Variants in ATXN10 observed in about 807,000 individuals in gnomAD.
ATXN10 encodes ataxin-10.
ATXN10 carries 28 observed loss-of-function variants against 52.9 expected under a neutral mutation model. The ratio of observed to expected loss-of-function variants is 0.53; its 90% confidence interval spans 0.39 to 0.73. The LOEUF (loss-of-function observed/expected upper bound fraction) is 0.73, where lower values mean the gene tolerates loss of function less well. Among genes scored for constraint, ATXN10 ranks in the 30% least tolerant of loss-of-function variants. The probability of loss-of-function intolerance (pLI) is 0.00; values close to 1 mark genes in which losing one functional copy is unlikely to be tolerated. For synonymous variants in ATXN10, 226 were observed against 221.5 expected (o/e 1.02, Z -0.18); for missense variants, 565 against 577.0 (o/e 0.98, Z 0.21).
chr22:45,837,680 G>C lies in ATXN10; in HGVS notation c.1238-5311G>C, dbSNP rs1929212640. 6.6e-6 allele frequency among the ~76,000 whole-genome samples: 1 copy of C among 152,346 alleles called. No homozygotes were observed. The highest frequency in any genetic ancestry group is 2.1e-4 in the South Asian group (1 of 4,828). ...ATATTTTGGCTTTGTAGGCCTTGCT[G>C]TCTCTTGGCAGCTCCTCCACCCTGC... On this transcript the variant is annotated intron_variant, in intron 10 of 11. Coordinates refer to ENST00000252934, the MANE Select transcript of ATXN10 (RefSeq NM_013236.4). This position sits in a 1 kb window ranked among gnomAD's most constrained non-coding sequence, Gnocchi z 5.8.
intron 6 of ATXN10, among the ~76,000 whole-genome samples, chr22:45,720,974 C>G (rs1924628570): frequency 6.6e-6 from 1 of 152,212 alleles, no homozygotes; most frequent in Non-Finnish European, 1.5e-5. Flanking sequence ...GACACAGTCC[C>G]TGCCCTTACT....
Position 45,789,055 on chromosome 22 carries a change from G to T in ATXN10, c.1174-17904G>T, listed in dbSNP as rs1927417105. On this transcript the variant is annotated intron_variant, in intron 9 of 11. Coordinates refer to ENST00000252934, the MANE Select transcript of ATXN10 (RefSeq NM_013236.4). The surrounding 1 kb of genome is among the most constrained non-coding windows in gnomAD (Gnocchi z 4.0). ...ATGGGTAGTTTTAAAAGCTCCCCAG[G>T]AGATGCAGATTGACAGTAAGGATGG... Among the ~76,000 whole-genome samples the T allele has an allele frequency of 6.6e-6, 1 of 152,014 alleles. No homozygotes were observed. Among genetic ancestry groups the T allele is most frequent in the Non-Finnish European group, 1.5e-5 (1 of 68,006 alleles).
intron 9 of ATXN10, among the ~76,000 whole-genome samples, chr22:45,785,060 C>T (rs1398219340): frequency 1.3e-5 from 2 of 152,188 alleles, no homozygotes; most frequent in African/African-American, 4.8e-5. Flanking sequence ...TATTTTTGTT[C>T]TAAATGTAGC....
chr22:45,806,916 C>G lies in ATXN10; in HGVS notation c.1174-43C>G, dbSNP rs376298430. On this transcript the variant is annotated intron_variant, in intron 9 of 11. Transcript: ENST00000252934. ...AGTCATCTGTAATCTCTGACTATAG[C>G]CATGCTGTTTTCAGTGTATAAACTT... The G allele has an allele frequency of 2.8e-6, 4 of 1,430,284 alleles. No individual in the cohort carries two copies. The African/African-American group carries it at 5.6e-5, about 20-fold the overall frequency. 88.6% of individuals were successfully genotyped at this position (1,430,284 alleles called of 1,614,324 possible).
intron 4 of ATXN10, 126 bp downstream of exon 4, chr22:45,700,504 C>A: frequency 1.3e-6 from 1 of 768,504 alleles, no homozygotes; most frequent in Non-Finnish European, 2.2e-6. Flanking sequence ...AGTAGTTGTT[C>A]TTGGTGGGTG....
chr22:45,776,476 T>C (rs1466416485), intron 9 of ATXN10, among the ~76,000 whole-genome samples: 1 of 152,004 alleles, frequency 6.6e-6, no homozygotes. Flanking sequence ...CCATATGAAG[T>C]TTTTCATATA....
At position 45,780,681 on chromosome 22, in the gene ATXN10, A is replaced by G. The variant is rs73889612; in HGVS notation, c.1174-26278A>G. On this transcript the variant is annotated intron_variant, in intron 9 of 11. Coordinates refer to ENST00000252934, the MANE Select transcript of ATXN10 (RefSeq NM_013236.4). This position sits in a 1 kb window ranked among gnomAD's most constrained non-coding sequence, Gnocchi z 4.0. ...AACTGCCTTTATTTTTGTTTGCACA[A>G]ATATATCCTAATCTTCTGAAATTTA... 3.3e-5 allele frequency among the ~76,000 whole-genome samples: 5 copies of G among 152,180 alleles called. No homozygotes were observed. The highest frequency in any genetic ancestry group is 7.2e-5 in the African/African-American group (3 of 41,438).
rs554314362 is a variant in ATXN10 at position 45,824,131 on chromosome 22, G to A, written c.1237+17109G>A. Among the ~76,000 whole-genome samples the A allele has an allele frequency of 2.6e-5, 4 of 152,184 alleles. No individual in the cohort carries two copies. The highest frequency in any genetic ancestry group is 6.8e-3 in the Middle Eastern group (2 of 294). On this transcript the variant is annotated intron_variant, in intron 10 of 11. Transcript: ENST00000252934. This position sits in a 1 kb window ranked among gnomAD's most constrained non-coding sequence, Gnocchi z 5.2. The stretch of plus-strand genomic sequence containing the variant: ...TGCCTTCCCCACGCTCTTACCTGCT[G>A]AGTGTAGTCAGCCCGTCCTGTTTTC...
At chr22:45,809,049 A>C (rs560420928) in intron 10 of ATXN10, among the ~76,000 whole-genome samples, 1 of 152,260 alleles carries the variant, frequency 6.6e-6, no homozygotes, top group South Asian at 2.1e-4. Flanking sequence ...TATGAGACAC[A>C]TACTGAAATA....
intron 9 of ATXN10, among the ~76,000 whole-genome samples, chr22:45,785,682 C>T (rs563982284): frequency 6.6e-6 from 1 of 152,304 alleles, no homozygotes; most frequent in Non-Finnish European, 1.5e-5. Flanking sequence ...CAGCGCCAGG[C>T]TTAACTCAGT....
intron 7 of ATXN10, among the ~76,000 whole-genome samples, chr22:45,730,341 T>C (rs542080909): frequency 2.3e-5 from 3 of 132,596 alleles, no homozygotes; most frequent in Admixed American, 1.5e-4. Flanking sequence ...GAGACCCTTG[T>C]CTCAAAAAAA....
intron 10 of ATXN10, among the ~76,000 whole-genome samples, chr22:45,832,388 T>C (rs1188501564): frequency 6.6e-6 from 1 of 152,224 alleles, no homozygotes; most frequent in Non-Finnish European, 1.5e-5. Context: ...TCCTCAGCTC[T>C]CCAGGGGTCT....
At chr22:45,791,009 C>A (rs983689889) in intron 9 of ATXN10, among the ~76,000 whole-genome samples, 1 of 152,162 alleles carries the variant, frequency 6.6e-6, no homozygotes, top group African/African-American at 2.4e-5. Context: ...TACACACTGT[C>A]ACACCCAGCT....
intron 10 of ATXN10, among the ~76,000 whole-genome samples, chr22:45,839,779 C>T (rs781208098): frequency 4.6e-5 from 7 of 152,184 alleles, no homozygotes; most frequent in Non-Finnish European, 1.0e-4. Flanking sequence ...TGCAGTCCAG[C>T]CTCCTTGCCT....
Position 45,781,286 on chromosome 22 carries a change from A to G in ATXN10, c.1174-25673A>G, listed in dbSNP as rs781170437. On this transcript the variant is annotated intron_variant, in intron 9 of 11. Coordinates refer to ENST00000252934, the MANE Select transcript of ATXN10 (RefSeq NM_013236.4). This position sits in a 1 kb window ranked among gnomAD's most constrained non-coding sequence, Gnocchi z 4.2. ...AGCCAGGTTTTTATCCCCACTGGGC[A>G]GTAATGAGGCATCCCCCAACCCCTG... 6.6e-6 allele frequency among the ~76,000 whole-genome samples: 1 copy of G among 152,094 alleles called. No homozygotes were observed. Among genetic ancestry groups the G allele is most frequent in the Non-Finnish European group, 1.5e-5 (1 of 68,008 alleles).
rs1036648395 is a variant in ATXN10, at chr22:45,780,121, T to A, written c.1174-26838T>A. ...TTTTTTGAGACGGAGTCTCGTTGTGTCACCCAGGCTGGAGTGCAGTGGCAC... is the reference window on the plus strand; with the variant it reads ...TTTTTTGAGACGGAGTCTCGTTGTGACACCCAGGCTGGAGTGCAGTGGCAC... On this transcript the variant is annotated intron_variant, in intron 9 of 11. Coordinates refer to ENST00000252934, the MANE Select transcript of ATXN10 (RefSeq NM_013236.4). This position sits in a 1 kb window ranked among gnomAD's most constrained non-coding sequence, Gnocchi z 4.0. 6.6e-6 allele frequency among the ~76,000 whole-genome samples: 1 copy of A among 151,182 alleles called. No individual in the cohort carries two copies. Among genetic ancestry groups the A allele is most frequent in the African/African-American group, 2.4e-5 (1 of 40,998 alleles).
At chr22:45,779,117 A>C (rs1356936439) in intron 9 of ATXN10, among the ~76,000 whole-genome samples, 1 of 152,172 alleles carries the variant, frequency 6.6e-6, no homozygotes, top group Non-Finnish European at 1.5e-5. Flanking sequence ...CCCAAAATAA[A>C]GCTTTGCATC....
At position 45,786,403 on chromosome 22, in the gene ATXN10, G is replaced by A. The variant is rs181852853; in HGVS notation, c.1174-20556G>A. 7.2e-5 allele frequency among the ~76,000 whole-genome samples: 11 copies of A among 152,198 alleles called. No homozygotes were observed. The highest frequency in any genetic ancestry group is 2.0e-4 in the Admixed American group (3 of 15,282). On this transcript the variant is annotated intron_variant, in intron 9 of 11. Coordinates refer to ENST00000252934, the MANE Select transcript of ATXN10 (RefSeq NM_013236.4). The surrounding 1 kb of genome is among the most constrained non-coding windows in gnomAD (Gnocchi z 4.1). ...GAGCAGGGTTAGTTTATGGGATGCA[G>A]TCTCTGACATTCTCGGCCTCACTGT...
At chr22:45,751,615 C>T (rs79748722) in intron 9 of ATXN10, among the ~76,000 whole-genome samples, 2,417 of 151,838 alleles carry the variant, frequency 0.016, 30 homozygotes, top group Non-Finnish European at 0.026. Flanking sequence ...ATTTCTATGA[C>T]ATATCTCAAT....
Sources: gnomAD v4.1 joint callset for allele counts (sites outside exome capture counted in the v4.1 genomes callset) on GRCh38, gnomAD v4.1.1 for gene constraint, Gnocchi (gnomAD v3.1) non-coding constraint, MANE v1.5 for transcripts, NCBI Gene and HGNC (gene_info 2026-07-23, HGNC 2026-07-21) for gene names.